TTC27: variants seen among roughly 807,000 people sequenced by gnomAD.
TTC27 encodes tetratricopeptide repeat protein 27.
Under a neutral mutation model 115.9 loss-of-function variants are expected in TTC27, and 79 were observed. The ratio of observed to expected loss-of-function variants is 0.68; its 90% CI spans 0.57 to 0.82. The LOEUF (loss-of-function observed/expected upper bound fraction) is 0.82, where lower values mean the gene tolerates loss of function less well. Ranked by LOEUF, TTC27 falls within the 40% of genes least tolerant of loss-of-function variation. The pLI is 0.00. For synonymous variants in TTC27, 401 were observed against 356.0 expected (o/e 1.13, Z -1.42); for missense variants, 1,054 against 993.1 (o/e 1.06, Z -0.82).
intron 9 of TTC27, among the ~76,000 whole-genome samples, chr2:32,687,776 G>A (rs184692063): frequency 1.0e-3 from 159 of 152,266 alleles, no homozygotes; most frequent in Non-Finnish European, 1.6e-3. Context: ...AAATGTGTAT[G>A]TATCTAATAA....
intron 13 of TTC27, among the ~76,000 whole-genome samples, chr2:32,777,581 T>A (rs1324205848): frequency 6.6e-6 from 1 of 152,220 alleles, no homozygotes; most frequent in African/African-American, 2.4e-5. Flanking sequence ...ACTCTGCAGC[T>A]GATTGAACCC....
At chr2:32,715,376 T>C (rs768204701) in intron 10 of TTC27, among the ~76,000 whole-genome samples, 6 of 152,278 alleles carry the variant, frequency 3.9e-5, no homozygotes, top group South Asian at 2.1e-4. Flanking sequence ...AAAGATCACA[T>C]GTTGTAGGTG....
At chr2:32,761,567 C>T (rs1187975523) in intron 13 of TTC27, among the ~76,000 whole-genome samples, 4 of 152,076 alleles carry the variant, frequency 2.6e-5, no homozygotes, top group African/African-American at 9.7e-5. Flanking sequence ...CCCCACATTG[C>T]CCTCCTTGTT....
At chr2:32,643,658 A>G (rs550586708) in intron 4 of TTC27, among the ~76,000 whole-genome samples, 1 of 152,138 alleles carries the variant, frequency 6.6e-6, no homozygotes, top group Non-Finnish European at 1.5e-5. Context: ...TAATGGCATT[A>G]TTTTCTTTCT....
chr2:32,658,740 C>T (rs1284575581), intron 5 of TTC27, among the ~76,000 whole-genome samples: 1 of 152,162 alleles, frequency 6.6e-6, no homozygotes, highest in African/African-American at 2.4e-5. Flanking sequence ...GCCTGTTAGA[C>T]ACCCTTGTTA....
At chr2:32,747,614 G>A (rs547726198) in intron 12 of TTC27, among the ~76,000 whole-genome samples, 2 of 152,250 alleles carry the variant, frequency 1.3e-5, no homozygotes, top group South Asian at 2.1e-4. Flanking sequence ...GTTGGGAACT[G>A]TTTATATTTA....
At chr2:32,684,074 C>T (rs1396141534) in intron 9 of TTC27, among the ~76,000 whole-genome samples, 1 of 152,142 alleles carries the variant, frequency 6.6e-6, no homozygotes, top group Non-Finnish European at 1.5e-5. Context: ...AGGATAATTG[C>T]TTGAACCCGG....
chr2:32,653,031 C>A (rs1338270205), intron 5 of TTC27, among the ~76,000 whole-genome samples: 1 of 152,102 alleles, frequency 6.6e-6, no homozygotes, highest in African/African-American at 2.4e-5. Flanking sequence ...TTCCTCAGTA[C>A]AATCTAAAGC....
At chr2:32,721,521 A>C (rs1667924129) in intron 10 of TTC27, among the ~76,000 whole-genome samples, 1 of 151,992 alleles carries the variant, frequency 6.6e-6, no homozygotes. Flanking sequence ...TTATCCATAG[A>C]CTTCACAATC....
At chr2:32,666,927 A>G (rs1665800070) in intron 7 of TTC27, among the ~76,000 whole-genome samples, 159 bp downstream of exon 7, 2 of 151,300 alleles carry the variant, frequency 1.3e-5, no homozygotes, top group East Asian at 1.9e-4. Flanking sequence ...CTGGTGTTTA[A>G]CTGGTGTTTT....
chr2:32,768,488 G>A (rs1006219235), intron 13 of TTC27, among the ~76,000 whole-genome samples: 1 of 152,174 alleles, frequency 6.6e-6, no homozygotes, highest in African/African-American at 2.4e-5. Context: ...ATCAGATATG[G>A]ATGTGGTTAT....
intron 10 of TTC27, chr2:32,705,044 G>A (rs541141067): frequency 4.9e-6 from 2 of 409,304 alleles, no homozygotes; most frequent in African/African-American, 4.1e-5. Flanking sequence ...GTTGAAATGT[G>A]ATTCCCATTG....
At chr2:32,785,863 G>C (rs1352918124) in intron 15 of TTC27, among the ~76,000 whole-genome samples, 1 of 152,108 alleles carries the variant, frequency 6.6e-6, no homozygotes, top group East Asian at 1.9e-4. Context: ...CAAAGTGCTG[G>C]GATTAGAGTT....
At chr2:32,695,860 C>T (rs533924591) in intron 9 of TTC27, among the ~76,000 whole-genome samples, 27 of 151,014 alleles carry the variant, frequency 1.8e-4, no homozygotes, top group Admixed American at 7.3e-4. Flanking sequence ...ACCGAGATGG[C>T]GCCGTCGCAC....
At chr2:32,815,914 G>C (rs1409191281) in intron 18 of TTC27, among the ~76,000 whole-genome samples, 2 of 152,192 alleles carry the variant, frequency 1.3e-5, no homozygotes, top group Admixed American at 1.3e-4. Context: ...TCTAAGATAG[G>C]AATGTCAAAC....
At chr2:32,643,279 G>T (rs962581188) in intron 4 of TTC27, among the ~76,000 whole-genome samples, 2 of 151,880 alleles carry the variant, frequency 1.3e-5, no homozygotes, top group African/African-American at 4.8e-5. Context: ...AAAGACTGAC[G>T]ATTACTTTGC....
At chr2:32,633,789 C>T in intron 2 of TTC27, 87 bp from the exon 3 acceptor site, 2 of 1,396,930 alleles carry the variant, frequency 1.4e-6, no homozygotes, top group Non-Finnish European at 1.9e-6. Flanking sequence ...ATATTATTTT[C>T]TTAATAAAAC....
chr2:32,742,895 A>C (rs1438426649), intron 12 of TTC27, among the ~76,000 whole-genome samples: 1 of 152,124 alleles, frequency 6.6e-6, no homozygotes, highest in East Asian at 1.9e-4. Context: ...GTGCGCACAC[A>C]CTTTTTAAAA....
At chr2:32,816,412 G>A (rs113177174) in intron 18 of TTC27, among the ~76,000 whole-genome samples, 3 of 152,144 alleles carry the variant, frequency 2.0e-5, no homozygotes, top group Non-Finnish European at 4.4e-5. Flanking sequence ...TTTTAAAGGA[G>A]TATCTGATTA....
Sources: gnomAD v4.1 joint callset for allele counts (sites outside exome capture counted in the v4.1 genomes callset) on GRCh38, gnomAD v4.1.1 for gene constraint, MANE v1.5 for transcripts, NCBI Gene and HGNC (gene_info 2026-07-23, HGNC 2026-07-21) for gene names.